BICRA: variants seen among roughly 807,000 people sequenced by gnomAD.
BICRA encodes BRD4-interacting chromatin-remodeling complex-associated protein.
In BICRA, 31 loss-of-function variants were observed where a neutral mutation model predicts 96.9. That is an observed-to-expected ratio of 0.32 (90% CI 0.24 to 0.43). The LOEUF is 0.43. Ranked by LOEUF, BICRA falls within the 20% of genes least tolerant of loss-of-function variation. The probability of loss-of-function intolerance (pLI) is 1.00; values close to 1 mark genes in which losing one functional copy is unlikely to be tolerated. For missense variants in BICRA, 2,283 were observed against 2,190.3 expected, an observed-to-expected ratio of 1.04 and a Z score of -0.84; for synonymous variants, 1,350 against 1,071.8, an observed-to-expected ratio of 1.26 and a Z score of -5.07.
intron 8 of BICRA, 68 bp from the exon 9 acceptor site, chr19:47,694,832 T>C: frequency 1.7e-6 from 2 of 1,179,250 alleles, no homozygotes; most frequent in Non-Finnish European, 2.3e-6. Flanking sequence ...TCCCCAGCCC[T>C]GCTGCGTCTG....
At chr19:47,644,151 T>C (rs1972423326) in intron 1 of BICRA, among the ~76,000 whole-genome samples, 2 of 151,952 alleles carry the variant, frequency 1.3e-5, no homozygotes, top group South Asian at 4.1e-4. Context: ...CCCAAGTGGC[T>C]AGGACTACAG....
chr19:47,664,185 G>A (rs1447573678), intron 1 of BICRA, among the ~76,000 whole-genome samples: 1 of 152,170 alleles, frequency 6.6e-6, no homozygotes, highest in Non-Finnish European at 1.5e-5. Context: ...GGCAACCTGA[G>A]GTTACTCCAA....
intron 7 of BICRA, among the ~76,000 whole-genome samples, chr19:47,684,921 C>T (rs150584887): frequency 6.6e-5 from 10 of 152,284 alleles, no homozygotes; most frequent in African/African-American, 2.4e-4. Flanking sequence ...ACAGAGCCAG[C>T]GCTCAGTGAA....
At chr19:47,646,142 G>T (rs896073648) in intron 1 of BICRA, among the ~76,000 whole-genome samples, 1 of 152,098 alleles carries the variant, frequency 6.6e-6, no homozygotes, top group Non-Finnish European at 1.5e-5. Flanking sequence ...CTCAGGGCAG[G>T]GGGGCGTCAG....
At position 47,701,840 on chromosome 19, in the gene BICRA, G is replaced by A. The variant is rs1359234900; in HGVS notation, c.4108G>A (p.Ala1370Thr). The A allele has an allele frequency of 1.1e-5, 17 of 1,517,580 alleles. No homozygotes were observed. The highest frequency in any genetic ancestry group is 2.0e-5 in the Admixed American group (1 of 48,924). 94.0% of individuals were successfully genotyped at this position (1,517,580 alleles called of 1,614,324 possible). A position where few individuals can be genotyped will look rare whatever the true frequency, so the allele number is the denominator to read the frequency against. The part of the protein sequence containing the change: ...NGTVDHPPPA[A>T]PERKPLGTAP... ...CACGGTGGACCACCCGCCGCCTGCC[G>A]CCCCCGAGCGCAAGCCCCTGGGCAC... The change falls in exon 15 of 15, where the codon GCC becomes ACC. Residue 1370 changes from alanine (A) to threonine (T), a missense_variant. Ala to Thr is a moderately conservative substitution (Grantham distance 58, BLOSUM62 0). Coordinates refer to ENST00000594866, the MANE Select transcript of BICRA (RefSeq NM_001394372.1). This position sits in a 1 kb window ranked among gnomAD's most constrained non-coding sequence, Gnocchi z 5.4.
chr19:47,609,901 T>C (rs1373711332), intron 1 of BICRA, among the ~76,000 whole-genome samples: 2 of 151,720 alleles, frequency 1.3e-5, no homozygotes, highest in Non-Finnish European at 2.9e-5. Context: ...CCCCCGGCAA[T>C]AGAGGGAGGT....
intron 1 of BICRA, among the ~76,000 whole-genome samples, chr19:47,647,900 G>A (rs1025827067): frequency 1.3e-5 from 2 of 150,774 alleles, no homozygotes; most frequent in Admixed American, 6.6e-5. Context: ...CGCGGGGGGA[G>A]TGGGGGGCCG....
chr19:47,682,307 T>G (rs1018855161), intron 7 of BICRA, among the ~76,000 whole-genome samples, 155 bp downstream of exon 7: 1 of 152,182 alleles, frequency 6.6e-6, no homozygotes, highest in Non-Finnish European at 1.5e-5. Flanking sequence ...CTCCTAGTGA[T>G]CATGGATGCC....
chr19:47,665,863 G>C (rs1313088006), intron 1 of BICRA, among the ~76,000 whole-genome samples: 6 of 152,188 alleles, frequency 3.9e-5, no homozygotes, highest in African/African-American at 1.4e-4. Context: ...GCTGAAGCAG[G>C]AGATCTGTTA....
At chr19:47,627,257 G>T (rs1972155256) in intron 1 of BICRA, among the ~76,000 whole-genome samples, 1 of 152,160 alleles carries the variant, frequency 6.6e-6, no homozygotes, top group African/African-American at 2.4e-5. Flanking sequence ...AGAGACATGG[G>T]TGACCAGCTG....
At chr19:47,686,781 G>T (rs867316093) in intron 7 of BICRA, among the ~76,000 whole-genome samples, 34 of 152,008 alleles carry the variant, frequency 2.2e-4, no homozygotes, top group Non-Finnish European at 3.1e-4. Context: ...ATTTTTGGGG[G>T]TTTTTTTGCA....
chr19:47,675,409 T>A lies in BICRA; in HGVS notation c.85-442T>A, dbSNP rs1972925063. Among the ~76,000 whole-genome samples, 1 of 152,178 alleles carries A rather than the reference T, an allele frequency of 6.6e-6. No individual in the cohort carries two copies. Among genetic ancestry groups the A allele is most frequent in the Non-Finnish European group, 1.5e-5 (1 of 68,032 alleles). On this transcript the variant is annotated intron_variant, in intron 4 of 14. Coordinates refer to ENST00000594866, the MANE Select transcript of BICRA (RefSeq NM_001394372.1). The surrounding 1 kb of genome is among the most constrained non-coding windows in gnomAD (Gnocchi z 4.7). ...CCTTCCAGAGATGGCACCGCATGGCTTGTCAGGTGCCCGGATGGTAGGTGT... is the reference window on the plus strand; with the variant it reads ...CCTTCCAGAGATGGCACCGCATGGCATGTCAGGTGCCCGGATGGTAGGTGT...
At chr19:47,664,423 C>A (rs941562355) in intron 1 of BICRA, among the ~76,000 whole-genome samples, 3 of 152,148 alleles carry the variant, frequency 2.0e-5, no homozygotes, top group African/African-American at 7.2e-5. Context: ...CCGGCCTTTC[C>A]TGCTTTTTAT....
intron 9 of BICRA, 70 bp from the exon 10 acceptor site, chr19:47,695,295 C>A: frequency 1.2e-6 from 1 of 829,556 alleles, no homozygotes; most frequent in Non-Finnish European, 2.0e-6. Flanking sequence ...CAGGATGGGG[C>A]TCCCGTTTGA....
Position 47,680,229 on chromosome 19 carries a change from C to A in BICRA, c.1059C>A (p.Pro353=). The A allele has an allele frequency of 6.4e-7, 1 of 1,560,564 alleles. No individual in the cohort carries two copies. Among genetic ancestry groups the A allele is most frequent in the Non-Finnish European group, 8.6e-7 (1 of 1,162,130 alleles). The change falls in exon 6 of 15, where the codon CCC becomes CCA. Residue 353 remains proline (P), a synonymous_variant. Transcript: ENST00000594866. ...ILHRTPTPIQ[P]KPAGVLPPKL... is the part of the protein sequence containing the mutation. ...ATCGCACACCCACGCCCATCCAGCCCAAGCCCGCGGGGGTGCTGCCGCCCA... is the reference window on the plus strand; with the variant it reads ...ATCGCACACCCACGCCCATCCAGCCAAAGCCCGCGGGGGTGCTGCCGCCCA...
Position 47,701,277 on chromosome 19 carries a change from CGG to C in BICRA, c.3596-46_3596-45del. 1 of 1,350,430 alleles carries C rather than the reference CGG, an allele frequency of 7.4e-7. No individual in the cohort carries two copies. Among genetic ancestry groups the C allele is most frequent in the Non-Finnish European group, 1.0e-6 (1 of 957,210 alleles). The allele number at this position is 1,350,430 out of a possible 1,614,324, so 83.7% of individuals were successfully genotyped here. A position where few individuals can be genotyped will look rare whatever the true frequency, so the allele number is the denominator to read the frequency against. On this transcript the variant is annotated intron_variant, in intron 14 of 14. Transcript: ENST00000594866. This position sits in a 1 kb window ranked among gnomAD's most constrained non-coding sequence, Gnocchi z 5.4. ...TGCACACAGCTCCTCCCAGCTCGGT[CGG>C]GGGGTCCTCATCCTAACCCCGCGGG... is the stretch of plus-strand genomic sequence containing the variant.
chr19:47,619,233 C>CG lies in BICRA; in HGVS notation c.-108+10065_-108+10066insG, dbSNP rs1568546496. ...ATATACACATTTTTTTTCCCAACCC[C>CG]TTTTTTTTTTCCTTTTTTTTGTGTG... On this transcript the variant is annotated intron_variant, in intron 1 of 14. Transcript: ENST00000594866. Among the ~76,000 whole-genome samples the CG allele has an allele frequency of 3.7e-5, 5 of 136,410 alleles. No homozygotes were observed. The South Asian group carries it at 1.1e-3, about 31-fold the overall frequency. 89.5% of individuals were successfully genotyped at this position (136,410 alleles called of 152,430 possible). A position where few individuals can be genotyped will look rare whatever the true frequency, so the allele number is the denominator to read the frequency against.
At position 47,680,749 on chromosome 19, in the gene BICRA, G is replaced by A. The variant is rs746599878; in HGVS notation, c.1579G>A (p.Gly527Ser). ...NQNLAGPLSLGPVLAPHSGAH... is the reference protein window; with the variant it reads ...NQNLAGPLSLSPVLAPHSGAH... ...GAACCTGGCGGGCCCACTGAGCCTGGGCCCCGTGTTGGCCCCCCACTCCGG... is the reference window on the plus strand; with the variant it reads ...GAACCTGGCGGGCCCACTGAGCCTGAGCCCCGTGTTGGCCCCCCACTCCGG... Residue 527 changes from glycine to serine, a missense_variant, in exon 6 of 15, where the codon GGC becomes AGC. By Grantham distance (56) the Gly-to-Ser change is moderately conservative. Transcript: ENST00000594866. 7 of 1,608,492 alleles carry A rather than the reference G, an allele frequency of 4.4e-6. No homozygotes were observed. The Admixed American group carries it at 1.0e-4, about 23-fold the overall frequency.
chr19:47,644,461 C>G (rs1268746337), intron 1 of BICRA, among the ~76,000 whole-genome samples: 1 of 142,506 alleles, frequency 7.0e-6, no homozygotes, highest in East Asian at 2.1e-4. Context: ...CCTCCTTCCC[C>G]TCCCCTTTCC....
Sources: gnomAD v4.1 joint callset for allele counts (sites outside exome capture counted in the v4.1 genomes callset) on GRCh38, gnomAD v4.1.1 for gene constraint, Gnocchi (gnomAD v3.1) non-coding constraint, MANE v1.5 for transcripts, NCBI Gene and HGNC (gene_info 2026-07-23, HGNC 2026-07-21) for gene names.